The following CDC42SE2 variants were observed in gnomAD, a reference collection of about 807,000 sequenced individuals.
CDC42SE2 encodes the protein CDC42 small effector 2.
CDC42SE2 carries 3 observed loss-of-function variants against 11.5 expected under a neutral mutation model. The observed-to-expected ratio is 0.26, with a 90% CI of 0.12 to 0.67. The LOEUF (loss-of-function observed/expected upper bound fraction) is 0.67, where lower values mean the gene tolerates loss of function less well. Among genes scored for constraint, CDC42SE2 ranks in the 30% least tolerant of loss-of-function variants. The pLI, the probability that CDC42SE2 is intolerant of heterozygous loss-of-function variation, is 0.80. For synonymous variants in CDC42SE2, 33 were observed against 34.8 expected (o/e 0.95, Z 0.18); for missense variants, 82 against 106.8 (o/e 0.77, Z 1.02).
chr5:131,356,855 C>G (rs776373812), intron 2 of CDC42SE2, among the ~76,000 whole-genome samples: 3 of 152,062 alleles, frequency 2.0e-5, no homozygotes, highest in Non-Finnish European at 4.4e-5. Context: ...CTGCAGTGAT[C>G]TGTGATCATG....
At position 131,301,773 on chromosome 5, in the gene CDC42SE2, T is replaced by A. The variant is rs541703990; in HGVS notation, c.-454-14203T>A. ...ACTCCGTCTCAAAAAAAAAAAAAAA[T>A]TAAAAAAGTTAAAAGTCCTCTGACT... is the stretch of plus-strand genomic sequence containing the variant. On this transcript the variant is annotated intron_variant, in intron 1 of 4. Coordinates refer to ENST00000505065, the MANE Select transcript of CDC42SE2 (RefSeq NM_001375635.1). 1.3e-3 allele frequency among the ~76,000 whole-genome samples: 193 copies of A among 150,704 alleles called. 11 individuals carry two copies. The South Asian group carries it at 0.04, about 31-fold the overall frequency.
chr5:131,227,712 C>T, the CDC42SE2 span, among the ~76,000 whole-genome samples: 21 of 151,942 alleles, frequency 1.4e-4, no homozygotes, highest in African/African-American at 4.8e-4. Flanking sequence ...TCAATAACTT[C>T]CAGAATTCTA....
chr5:131,355,962 T>C (rs192392451), intron 2 of CDC42SE2, among the ~76,000 whole-genome samples: 2 of 152,310 alleles, frequency 1.3e-5, no homozygotes, highest in Non-Finnish European at 2.9e-5. Context: ...ACTATTGCAC[T>C]TTTCTACTCA....
At chr5:131,263,859 C>CG (rs1051174297), upstream of CDC42SE2, 4 of 152,316 alleles carry the variant, frequency 2.6e-5, no homozygotes, top group Non-Finnish European at 4.4e-5. Context: ...GCTCGAATCC[C>CG]GGGGGTCCCA....
At chr5:131,283,278 T>C (rs1355459581) in intron 1 of CDC42SE2, among the ~76,000 whole-genome samples, 1 of 152,108 alleles carries the variant, frequency 6.6e-6, no homozygotes, top group South Asian at 2.1e-4. Flanking sequence ...GCTACTAATT[T>C]TATATTTTCA....
At chr5:131,259,970 C>G (rs891816508), upstream of CDC42SE2, among the ~76,000 whole-genome samples, 2 of 152,188 alleles carry the variant, frequency 1.3e-5, no homozygotes, top group African/African-American at 4.8e-5. Flanking sequence ...CATACCATCC[C>G]ATTTGGGGCC....
At chr5:131,315,367 T>A (rs760405176) in intron 1 of CDC42SE2, among the ~76,000 whole-genome samples, 42 of 152,342 alleles carry the variant, frequency 2.8e-4, no homozygotes, top group Non-Finnish European at 4.9e-4. Context: ...CAGAGAAACA[T>A]GCTTGGCTGT....
At chr5:131,252,727 C>T (rs1756651334) in intron 1 of CDC42SE2, among the ~76,000 whole-genome samples, 1 of 152,174 alleles carries the variant, frequency 6.6e-6, no homozygotes, top group South Asian at 2.1e-4. Context: ...ATCATCTGGG[C>T]CCACATGCAC....
chr5:131,250,416 A>C (rs1179454960), intron 1 of CDC42SE2, among the ~76,000 whole-genome samples: 2 of 152,246 alleles, frequency 1.3e-5, no homozygotes, highest in Non-Finnish European at 2.9e-5. Context: ...TGAGCTATCA[A>C]GCCACAGAAA....
the CDC42SE2 span, among the ~76,000 whole-genome samples, chr5:131,212,076 TCAC>T: frequency 1.1e-4 from 16 of 152,144 alleles, 3 homozygotes; most frequent in African/African-American, 3.1e-4. Flanking sequence ...ATAATTTAAA[TCAC>T]CACATGTGTG....
At chr5:131,365,870 T>C (rs985504709) in intron 3 of CDC42SE2, among the ~76,000 whole-genome samples, 1 of 152,096 alleles carries the variant, frequency 6.6e-6, no homozygotes, top group African/African-American at 2.4e-5. Flanking sequence ...TAGTCCCAGC[T>C]ACTCGGGAGG....
chr5:131,251,862 A>G (rs1218230989), intron 1 of CDC42SE2, among the ~76,000 whole-genome samples: 1 of 152,112 alleles, frequency 6.6e-6, no homozygotes, highest in African/African-American at 2.4e-5. Flanking sequence ...AAAAATAAAA[A>G]TTAACTGAGC....
intron 2 of CDC42SE2, among the ~76,000 whole-genome samples, chr5:131,346,842 A>G (rs1365204000): frequency 6.6e-6 from 1 of 152,228 alleles, no homozygotes; most frequent in East Asian, 1.9e-4. Context: ...ACTCAGGATT[A>G]AGAAACTCAC....
rs556818158 is a variant in CDC42SE2 at position 131,336,284 on chromosome 5, T to C, written c.-286+20140T>C. ...TTGAAAATTCTTAATTCTTTAAGAATGTTGAATATTGTCCCCCACTCTCTT... is the reference window on the plus strand; with the variant it reads ...TTGAAAATTCTTAATTCTTTAAGAACGTTGAATATTGTCCCCCACTCTCTT... On this transcript the variant is annotated intron_variant, in intron 2 of 4. Coordinates refer to ENST00000505065, the MANE Select transcript of CDC42SE2 (RefSeq NM_001375635.1). Among the ~76,000 whole-genome samples, 19 of 152,366 alleles carry C rather than the reference T, an allele frequency of 1.2e-4. No individual in the cohort carries two copies. In the South Asian group the frequency reaches 1.9e-3, roughly 15 times the overall value.
At chr5:131,242,879 A>C (rs150987767), upstream of CDC42SE2, among the ~76,000 whole-genome samples, 1 of 152,300 alleles carries the variant, frequency 6.6e-6, no homozygotes, top group East Asian at 1.9e-4. Context: ...GAGGTGGTGT[A>C]TCAGTCATAC....
chr5:131,360,613 G>A, intron 3 of CDC42SE2, among the ~76,000 whole-genome samples: 1 of 152,108 alleles, frequency 6.6e-6, no homozygotes, highest in Non-Finnish European at 1.5e-5. Flanking sequence ...TTATTTATGG[G>A]TCTTCACCAT....
At chr5:131,368,586 C>G (rs1749929139) in intron 3 of CDC42SE2, among the ~76,000 whole-genome samples, 1 of 152,110 alleles carries the variant, frequency 6.6e-6, no homozygotes, top group Non-Finnish European at 1.5e-5. Context: ...GAATATAATT[C>G]CCATTTGTGA....
In CDC42SE2 at chr5:131,343,713, C is replaced by CAAA. The variant is rs530307746; in HGVS notation, c.-285-15484_-285-15482dup. 8.7e-4 allele frequency among the ~76,000 whole-genome samples: 88 copies of CAAA among 101,078 alleles called. 1 individual carries two copies. Among genetic ancestry groups the CAAA allele is most frequent in the African/African-American group, 2.6e-3 (81 of 31,100 alleles). The allele number at this position is 101,078 out of a possible 152,430, so 66.3% of individuals were successfully genotyped here. A position where few individuals can be genotyped will look rare whatever the true frequency, so the allele number is the denominator to read the frequency against. On this transcript the variant is annotated intron_variant, in intron 2 of 4. Transcript: ENST00000505065. ...GGGCAACAAGAGCTAAACTCTGTCT[C>CAAA]AAAAAAAAAAAAAAGAGAGAGAGAG...
upstream of CDC42SE2, among the ~76,000 whole-genome samples, chr5:131,243,446 C>T (rs1379524848): frequency 2.0e-5 from 3 of 152,154 alleles, no homozygotes; most frequent in East Asian, 3.9e-4. Flanking sequence ...ATTAGCCGGG[C>T]GTGGTGGTGG....
Sources: allele counts gnomAD v4.1 joint callset (sites outside exome capture counted in the v4.1 genomes callset), GRCh38; gene constraint gnomAD v4.1.1; transcripts MANE v1.5; gene names NCBI Gene and HGNC (gene_info 2026-07-23, HGNC 2026-07-21).